The following KCNIP4 variants were observed in gnomAD, a reference collection of about 807,000 sequenced individuals.
The protein encoded by KCNIP4 is Kv channel-interacting protein 4.
KCNIP4 carries 12 observed loss-of-function variants against 34.0 expected under a neutral mutation model. That is an observed-to-expected ratio of 0.35 (90% CI 0.23 to 0.57). KCNIP4 has a LOEUF of 0.57. Among genes scored for constraint, KCNIP4 ranks in the 20% least tolerant of loss-of-function variants. KCNIP4 has a pLI of 0.83. For synonymous variants in KCNIP4, 124 were observed against 102.2 expected, an observed-to-expected ratio of 1.21 and a Z score of -1.29; for missense variants, 238 against 311.7, an observed-to-expected ratio of 0.76 and a Z score of 1.78.
At chr4:21,038,296 C>T (rs750950629) in intron 1 of KCNIP4, among the ~76,000 whole-genome samples, 4 of 152,050 alleles carry the variant, frequency 2.6e-5, no homozygotes, top group Non-Finnish European at 4.4e-5. Flanking sequence ...CTGTAACTTC[C>T]ACAATGAAAT....
At chr4:21,452,646 C>A (rs1300641819) in intron 1 of KCNIP4, among the ~76,000 whole-genome samples, 2 of 151,800 alleles carry the variant, frequency 1.3e-5, no homozygotes, top group Admixed American at 6.6e-5. Flanking sequence ...TACCATGACA[C>A]CCATGGCTAA....
intron 1 of KCNIP4, among the ~76,000 whole-genome samples, chr4:21,822,717 T>TC (rs1219934818): frequency 9.9e-6 from 1 of 100,948 alleles, no homozygotes; most frequent in Non-Finnish European, 1.9e-5. Context: ...TTATTAATTT[T>TC]CCTTTTTTTT....
chr4:21,482,470 T>A (rs1447199480), intron 1 of KCNIP4, among the ~76,000 whole-genome samples: 3 of 152,222 alleles, frequency 2.0e-5, no homozygotes, highest in Non-Finnish European at 4.4e-5. Flanking sequence ...TTTCCATGTT[T>A]AGTGCTTCCT....
intron 1 of KCNIP4, among the ~76,000 whole-genome samples, chr4:21,093,809 A>G (rs9996902): frequency 0.34 from 51,336 of 152,126 alleles, 10,729 homozygotes; most frequent in African/African-American, 0.6. Flanking sequence ...CTGGCCAGGC[A>G]CGTTGGCTGA....
At chr4:21,302,043 T>G (rs1711787028) in intron 1 of KCNIP4, among the ~76,000 whole-genome samples, 1 of 152,210 alleles carries the variant, frequency 6.6e-6, no homozygotes, top group Non-Finnish European at 1.5e-5. Context: ...TTAAAGTTTC[T>G]GAGATAGTGC....
chr4:21,758,236 A>G (rs1285213422), intron 1 of KCNIP4, among the ~76,000 whole-genome samples: 1 of 152,124 alleles, frequency 6.6e-6, no homozygotes, highest in African/African-American at 2.4e-5. Context: ...AAAACCAACA[A>G]CCTCTCTGTT....
intron 1 of KCNIP4, among the ~76,000 whole-genome samples, chr4:21,265,459 C>T (rs555492248): frequency 1.3e-5 from 2 of 152,094 alleles, no homozygotes; most frequent in Non-Finnish European, 2.9e-5. Flanking sequence ...TCCACTCTGG[C>T]CACAGTATGG....
chr4:21,739,546 T>C (rs941513728), intron 1 of KCNIP4, among the ~76,000 whole-genome samples: 15 of 152,190 alleles, frequency 9.9e-5, no homozygotes, highest in South Asian at 6.2e-4. Context: ...AAAACTTATA[T>C]TGAAAATTTT....
At chr4:21,477,599 C>A (rs1731093303) in intron 1 of KCNIP4, among the ~76,000 whole-genome samples, 1 of 152,134 alleles carries the variant, frequency 6.6e-6, no homozygotes, top group Non-Finnish European at 1.5e-5. Context: ...ATATAACTAA[C>A]TTTCCTTGAC....
At chr4:20,801,723 A>G (rs995962655) in intron 3 of KCNIP4, among the ~76,000 whole-genome samples, 1 of 152,130 alleles carries the variant, frequency 6.6e-6, no homozygotes, top group African/African-American at 2.4e-5. Flanking sequence ...AAAGCTTAAT[A>G]CTACAGAAAA....
intron 1 of KCNIP4, among the ~76,000 whole-genome samples, chr4:21,534,705 C>T (rs1483790853): frequency 6.6e-6 from 1 of 152,078 alleles, no homozygotes; most frequent in African/African-American, 2.4e-5. Flanking sequence ...GAATGACTGC[C>T]TGTAGGACAC....
In KCNIP4 at chr4:21,303,455, C is replaced by T. The variant is rs1431808043; in HGVS notation, c.62-420746G>A. Among the ~76,000 whole-genome samples, 10 of 152,034 alleles carry T rather than the reference C, an allele frequency of 6.6e-5. No individual in the cohort carries two copies. The South Asian group carries it at 1.7e-3, about 25-fold the overall frequency. The stretch of plus-strand genomic sequence containing the variant: ...CACAATATACCCAAATAAAATTTGC[C>T]GATACAATAAAAGGAGGTACTAGAT... On this transcript the variant is annotated intron_variant, in intron 1 of 8. Transcript: ENST00000382152.
chr4:20,817,780 A>T (rs1032604747), intron 3 of KCNIP4, among the ~76,000 whole-genome samples: 6 of 152,004 alleles, frequency 3.9e-5, no homozygotes, highest in African/African-American at 1.4e-4. Flanking sequence ...AAAATCTAAG[A>T]TCAAATTATT....
At chr4:20,886,319 G>A (rs1725306702) in intron 1 of KCNIP4, among the ~76,000 whole-genome samples, 2 of 152,200 alleles carry the variant, frequency 1.3e-5, no homozygotes, top group African/African-American at 2.4e-5. Context: ...GTTCAGGGAG[G>A]TAGAGCTCAT....
chr4:21,559,840 A>T (rs1739373243), intron 1 of KCNIP4, among the ~76,000 whole-genome samples: 1 of 152,086 alleles, frequency 6.6e-6, no homozygotes, highest in Admixed American at 6.6e-5. Flanking sequence ...ATCTCTTACT[A>T]CTTCTATTCT....
chr4:21,728,330 G>A (rs10034603), intron 1 of KCNIP4, among the ~76,000 whole-genome samples: 1 of 151,814 alleles, frequency 6.6e-6, no homozygotes, highest in Non-Finnish European at 1.5e-5. Flanking sequence ...CAAATAAGGC[G>A]TTTTCCTCCC....
At chr4:21,148,238 A>T (rs749949090) in intron 1 of KCNIP4, among the ~76,000 whole-genome samples, 1 of 152,196 alleles carries the variant, frequency 6.6e-6, no homozygotes, top group Non-Finnish European at 1.5e-5. Context: ...TATATGCTTT[A>T]TGACATTGTA....
intron 1 of KCNIP4, among the ~76,000 whole-genome samples, chr4:21,747,336 T>A (rs755484614): frequency 6.6e-6 from 1 of 152,112 alleles, no homozygotes; most frequent in Non-Finnish European, 1.5e-5. Flanking sequence ...CTACCTGAGA[T>A]CATCCACTTT....
At chr4:21,075,972 C>A (rs1745452555) in intron 1 of KCNIP4, among the ~76,000 whole-genome samples, 1 of 152,166 alleles carries the variant, frequency 6.6e-6, no homozygotes, top group Admixed American at 6.6e-5. Context: ...GGCCCCCACT[C>A]TCTTCTGGCT....
Sources: gnomAD v4.1 joint callset for allele counts (sites outside exome capture counted in the v4.1 genomes callset) on GRCh38, gnomAD v4.1.1 for gene constraint, MANE v1.5 for transcripts, NCBI Gene and HGNC (gene_info 2026-07-23, HGNC 2026-07-21) for gene names.